PHF21A: variants seen among roughly 807,000 people sequenced by gnomAD.
PHF21A encodes PHD finger protein 21A, also known as BHC80a.
A neutral mutation model predicts 82.5 loss-of-function variants in PHF21A; 11 were observed. The observed-to-expected ratio is 0.13, with a 90% confidence interval of 0.08 to 0.22. The LOEUF (loss-of-function observed/expected upper bound fraction) is 0.22. Among genes scored for constraint, PHF21A ranks in the 10% least tolerant of loss-of-function variants. The pLI is 1.00. For missense variants in PHF21A, 579 were observed against 837.8 expected (o/e 0.69, Z 3.81); for synonymous variants, 297 against 302.8 (o/e 0.98, Z 0.20).
At chr11:46,007,321 T>TC (rs201273053) in intron 6 of PHF21A, among the ~76,000 whole-genome samples, 1 of 148,974 alleles carries the variant, frequency 6.7e-6, no homozygotes, top group African/African-American at 2.4e-5. Flanking sequence ...TTCTTCTTCT[T>TC]TTTTTTTTTT....
chr11:45,964,815 T>C (rs2093334222), intron 10 of PHF21A, among the ~76,000 whole-genome samples: 2 of 152,242 alleles, frequency 1.3e-5, no homozygotes, highest in African/African-American at 4.8e-5. Flanking sequence ...CTGCATCCTC[T>C]AAAGTTAAAG....
At chr11:46,024,388 T>C (rs1424431767) in intron 6 of PHF21A, among the ~76,000 whole-genome samples, 1 of 152,176 alleles carries the variant, frequency 6.6e-6, no homozygotes, top group African/African-American at 2.4e-5. Context: ...GCAACATCAC[T>C]TTTCTTCCAT....
chr11:45,991,260 C>T (rs2094689322), intron 6 of PHF21A, among the ~76,000 whole-genome samples: 1 of 152,044 alleles, frequency 6.6e-6, no homozygotes, highest in African/African-American at 2.4e-5. Context: ...GAATGTATCA[C>T]AGTAGTACCT....
At chr11:46,119,929 G>C (rs1205189784) in intron 1 of PHF21A, 73 of 146,618 alleles carry the variant, frequency 5.0e-4, no homozygotes, top group African/African-American at 1.8e-3. Context: ...GGCCCCTCTC[G>C]GAGCGGCCTG....
rs35144908 is a variant in PHF21A, at chr11:46,074,458, C to CGG, written c.153+2294_153+2295dup. Among the ~76,000 whole-genome samples, 112 of 127,080 alleles carry CGG rather than the reference C, an allele frequency of 8.8e-4. 1 individual carries two copies. The highest frequency in any genetic ancestry group is 7.9e-3 in the Middle Eastern group (2 of 252). 83.4% of individuals were successfully genotyped at this position (127,080 alleles called of 152,430 possible). A position where few individuals can be genotyped will look rare whatever the true frequency, so the allele number is the denominator to read the frequency against. On this transcript the variant is annotated intron_variant, in intron 6 of 18. Transcript: ENST00000676320. ...GCCAGAGGATAAGTGGCTCTTTTGG[C>CGG]GGGAGGGGGGAAGGCATATAGCATT...
At chr11:45,978,807 G>A (rs1450425344) in intron 7 of PHF21A, among the ~76,000 whole-genome samples, 2 of 152,080 alleles carry the variant, frequency 1.3e-5, no homozygotes, top group Non-Finnish European at 2.9e-5. Flanking sequence ...ATTGCCTCAC[G>A]ATTCTTAAAT....
chr11:46,099,040 A>G (rs2097049163), intron 1 of PHF21A, among the ~76,000 whole-genome samples: 1 of 151,926 alleles, frequency 6.6e-6, no homozygotes, highest in Admixed American at 6.5e-5. Flanking sequence ...AAAAATAAAC[A>G]AGAAGAAGTT....
At chr11:46,040,904 C>G (rs1444878694) in intron 6 of PHF21A, among the ~76,000 whole-genome samples, 1 of 143,062 alleles carries the variant, frequency 7.0e-6, no homozygotes, top group Non-Finnish European at 1.5e-5. Flanking sequence ...CACACACACA[C>G]ACACACACAC....
intron 9 of PHF21A, among the ~76,000 whole-genome samples, chr11:45,969,104 C>T (rs1171972129): frequency 1.3e-5 from 2 of 152,212 alleles, no homozygotes; most frequent in Non-Finnish European, 2.9e-5. Context: ...ATTTACACTA[C>T]TGACCACAAA....
At chr11:46,010,429 T>G (rs1457761510) in intron 6 of PHF21A, among the ~76,000 whole-genome samples, 1 of 152,248 alleles carries the variant, frequency 6.6e-6, no homozygotes, top group Non-Finnish European at 1.5e-5. Context: ...GATTTAGTAA[T>G]TTGTCTAAAA....
chr11:46,061,618 G>C (rs1264495936), intron 6 of PHF21A, among the ~76,000 whole-genome samples: 1 of 151,974 alleles, frequency 6.6e-6, no homozygotes, highest in African/African-American at 2.4e-5. Flanking sequence ...CTCAATAATG[G>C]CTCAAAACAC....
intron 1 of PHF21A, among the ~76,000 whole-genome samples, chr11:46,092,760 T>C (rs1232629762): frequency 7.4e-5 from 1 of 13,514 alleles, no homozygotes; most frequent in Admixed American, 6.7e-4. Context: ...GTGTCTCACC[T>C]TTTTTTTTTT....
At chr11:45,970,093 A>G in intron 8 of PHF21A, 189 bp from the exon 9 acceptor site, 1 of 550,682 alleles carries the variant, frequency 1.8e-6, no homozygotes. Context: ...TTTACCCTAT[A>G]AAATGAACCA....
At chr11:46,111,777 T>C (rs2097217347) in intron 1 of PHF21A, among the ~76,000 whole-genome samples, 1 of 152,160 alleles carries the variant, frequency 6.6e-6, no homozygotes, top group Non-Finnish European at 1.5e-5. Flanking sequence ...GAAGTCAGTG[T>C]CCTAAAAGAG....
chr11:46,103,499 T>C (rs535212111), intron 1 of PHF21A, among the ~76,000 whole-genome samples: 7 of 152,326 alleles, frequency 4.6e-5, no homozygotes, highest in Admixed American at 1.3e-4. Context: ...AAAAACTCGT[T>C]GGAATTTCTC....
At chr11:46,036,149 T>C (rs2095998551) in intron 6 of PHF21A, among the ~76,000 whole-genome samples, 1 of 152,144 alleles carries the variant, frequency 6.6e-6, no homozygotes, top group Non-Finnish European at 1.5e-5. Flanking sequence ...ATTTCGGAGA[T>C]GAGTGAAAGG....
At chr11:46,075,095 A>G (rs768374914) in intron 6 of PHF21A, among the ~76,000 whole-genome samples, 15 of 152,246 alleles carry the variant, frequency 9.9e-5, no homozygotes, top group Non-Finnish European at 1.9e-4. Flanking sequence ...TCAGAGAACA[A>G]TTAGAGCTTG....
intron 6 of PHF21A, among the ~76,000 whole-genome samples, chr11:45,995,692 A>G (rs2094883619): frequency 6.6e-6 from 1 of 152,228 alleles, no homozygotes; most frequent in South Asian, 2.1e-4. Context: ...CACATGTAAC[A>G]AAAGGAAGAC....
intron 6 of PHF21A, among the ~76,000 whole-genome samples, chr11:46,022,806 G>A (rs138087702): frequency 2.3e-3 from 351 of 151,884 alleles, no homozygotes; most frequent in African/African-American, 7.8e-3. Context: ...TTTTTGAGAC[G>A]GAGTCTCGGT....
Sources: allele counts gnomAD v4.1 joint callset (sites outside exome capture counted in the v4.1 genomes callset), GRCh38; gene constraint gnomAD v4.1.1; transcripts MANE v1.5; gene names NCBI Gene and HGNC (gene_info 2026-07-23, HGNC 2026-07-21).